The following DCHS2 variants were observed in gnomAD, a reference collection of about 807,000 sequenced individuals.
DCHS2 encodes dachsous cadherin-related 2.
A neutral mutation model predicts 182.4 loss-of-function variants in DCHS2; 142 were observed. That is an observed-to-expected ratio of 0.78 (90% CI 0.68 to 0.89). The LOEUF (loss-of-function observed/expected upper bound fraction) is 0.89, where lower values mean the gene tolerates loss of function less well. DCHS2 is among the 40% of genes least tolerant of loss of function. The probability of loss-of-function intolerance (pLI) is 0.00; values close to 1 mark genes in which losing one functional copy is unlikely to be tolerated. For missense variants in DCHS2, 4,319 were observed against 4,198.6 expected, an observed-to-expected ratio of 1.03 and a Z score of -0.79; for synonymous variants, 1,740 against 1,663.3, an observed-to-expected ratio of 1.05 and a Z score of -1.12.
chr4:154,491,168 G>C lies in DCHS2; in HGVS notation c.188C>G (p.Ser63Cys). 6.4e-7 allele frequency: 1 copy of C among 1,551,208 alleles called. No homozygotes were observed. Among genetic ancestry groups the C allele is most frequent in the East Asian group, 2.4e-5 (1 of 40,900 alleles). Residue 63 changes from serine to cysteine, a missense_variant, in exon 1 of 20, where the codon TCT (serine) becomes TGT (cysteine). Transcript: ENST00000357232. ...HVWLWAASGS[S>C]AQLFNLTLSV... ...AAGGGTGAGGTTGAACAACTGGGCA[G>C]AGGAGCCCGAGGCCGCCCACAGCCA...
intron 1 of DCHS2, among the ~76,000 whole-genome samples, chr4:154,471,363 T>C (rs1420749498): frequency 6.6e-6 from 1 of 152,242 alleles, no homozygotes; most frequent in Non-Finnish European, 1.5e-5. Context: ...TTTAAAAATA[T>C]GTTCCTGATA....
intron 1 of DCHS2, among the ~76,000 whole-genome samples, chr4:154,425,144 G>A (rs1733269588): frequency 6.6e-6 from 1 of 152,118 alleles, no homozygotes; most frequent in Non-Finnish European, 1.5e-5. Flanking sequence ...GATCTAGAGG[G>A]GTCTACCCCT....
intron 3 of DCHS2, among the ~76,000 whole-genome samples, chr4:154,360,932 A>G (rs1369204456): frequency 1.3e-5 from 2 of 152,178 alleles, no homozygotes; most frequent in Non-Finnish European, 2.9e-5. Context: ...TGTAAGTGCT[A>G]CAAGAGCAGG....
chr4:154,265,717 C>A (rs1416701836), intron 14 of DCHS2, among the ~76,000 whole-genome samples: 8 of 150,968 alleles, frequency 5.3e-5, no homozygotes, highest in Non-Finnish European at 1.2e-4. Context: ...TTAATTGGCT[C>A]AATTTAGATA....
In DCHS2 at chr4:154,333,272, A is replaced by G. The variant is rs1267917142; in HGVS notation, c.2936T>C (p.Phe979Ser). ...VMDVNDNHPA[F>S]LRTSDEIRIS... is the part of the protein sequence containing the mutation. ...TCTAATCTCATCCGAGGTCCTGAGG[A>G]ACGCTGGGTGGTTGTCATTGACATC... Residue 979 changes from phenylalanine to serine, a missense_variant, in exon 5 of 20, where the codon TTC becomes TCC. Phe to Ser is a radical substitution (Grantham distance 155). Coordinates refer to ENST00000357232, the MANE Select transcript of DCHS2 (RefSeq NM_001358235.2). 1.9e-6 allele frequency: 3 copies of G among 1,614,048 alleles called. No homozygotes were observed. The African/African-American group carries it at 4.0e-5, about 22-fold the overall frequency.
Position 154,333,432 on chromosome 4 carries a change from G to T in DCHS2, c.2776C>A (p.His926Asn). 6.2e-7 allele frequency: 1 copy of T among 1,614,032 alleles called. No homozygotes were observed. Among genetic ancestry groups the T allele is most frequent in the Non-Finnish European group, 8.5e-7 (1 of 1,180,030 alleles). ...GTGCGAATAGTGCCCAGCCGCGGGT[G>T]AATGGAGAACTTTCCGCCGAGATCA... ...SGDLGGKFSIHPRLGTIRTRK... is the reference protein window; with the variant it reads ...SGDLGGKFSINPRLGTIRTRK... The change falls in exon 5 of 20, where the codon CAC becomes AAC. Residue 926 changes from histidine (H) to asparagine (N), a missense_variant. By Grantham distance (68) the His-to-Asn change is moderately conservative. Coordinates refer to ENST00000357232, the MANE Select transcript of DCHS2 (RefSeq NM_001358235.2).
chr4:154,252,441 T>C (rs1732415668), intron 16 of DCHS2, among the ~76,000 whole-genome samples: 1 of 152,168 alleles, frequency 6.6e-6, no homozygotes, highest in Non-Finnish European at 1.5e-5. Flanking sequence ...TCATTCCAAC[T>C]ATATTTTGTA....
Position 154,235,800 on chromosome 4 carries a change from T to C in DCHS2, c.8852A>G (p.Glu2951Gly). Residue 2951 changes from glutamate to glycine, a missense_variant, in exon 20 of 20, where the codon GAA (glutamate) becomes GGA (glycine). Physicochemically the swap from Glu to Gly is moderately conservative, Grantham distance 98. Transcript: ENST00000357232. Reference protein sequence around the residue: ...LPLIKSQLNKEDTLEMKIIAH... With the variant: ...LPLIKSQLNKGDTLEMKIIAH... ...GATTATTTTCATTTCCAAGGTGTCTTCTTTGTTGAGTTGACTTTTTATTAG... is the reference window on the plus strand; with the variant it reads ...GATTATTTTCATTTCCAAGGTGTCTCCTTTGTTGAGTTGACTTTTTATTAG... The C allele has an allele frequency of 6.2e-7, 1 of 1,613,858 alleles. No homozygotes were observed. Among genetic ancestry groups the C allele is most frequent in the Non-Finnish European group, 8.5e-7 (1 of 1,179,924 alleles).
At chr4:154,262,312 CA>C (rs1733024842) in intron 14 of DCHS2, 1 of 152,086 alleles carries the variant, frequency 6.6e-6, no homozygotes, top group African/African-American at 2.4e-5. Context: ...AGACAATAAC[CA>C]GTCTGTGGGA....
chr4:154,323,122 C>T, intron 7 of DCHS2: 1 of 1,399,286 alleles, frequency 7.1e-7, no homozygotes, highest in Non-Finnish European at 9.5e-7. Flanking sequence ...GAACTTGTAT[C>T]CTGACATTTT....
chr4:154,447,227 G>T (rs1400703532), intron 1 of DCHS2, among the ~76,000 whole-genome samples: 2 of 152,136 alleles, frequency 1.3e-5, no homozygotes, highest in African/African-American at 4.8e-5. Context: ...GGGAGGCAGG[G>T]GATGCAGTGA....
intron 12 of DCHS2, among the ~76,000 whole-genome samples, chr4:154,302,372 GGGT>G (rs1441289521): frequency 6.6e-6 from 1 of 152,226 alleles, no homozygotes; most frequent in African/African-American, 2.4e-5. Context: ...GGTTTGTGCA[GGGT>G]GGTTCTCATC....
intron 1 of DCHS2, among the ~76,000 whole-genome samples, chr4:154,424,782 C>G (rs1274602968): frequency 6.6e-6 from 1 of 152,182 alleles, no homozygotes; most frequent in Non-Finnish European, 1.5e-5. Context: ...AGATTATCTT[C>G]ATTCAAGCCC....
intron 13 of DCHS2, among the ~76,000 whole-genome samples, chr4:154,281,170 T>C (rs1734126247): frequency 6.6e-6 from 1 of 151,354 alleles, no homozygotes; most frequent in Non-Finnish European, 1.5e-5. Context: ...AGTATACAAG[T>C]CCTAGCCTGA....
chr4:154,432,132 A>C, intron 1 of DCHS2, among the ~76,000 whole-genome samples: 1 of 152,230 alleles, frequency 6.6e-6, no homozygotes, highest in East Asian at 1.9e-4. Flanking sequence ...ATTAGCATGA[A>C]GTTCTAAGAG....
intron 3 of DCHS2, among the ~76,000 whole-genome samples, chr4:154,336,976 T>C (rs1294479670): frequency 6.6e-6 from 1 of 152,178 alleles, no homozygotes; most frequent in Non-Finnish European, 1.5e-5. Context: ...AAACACTCTT[T>C]ATTAGAATAC....
At position 154,490,042 on chromosome 4, in the gene DCHS2, G is replaced by A; in HGVS notation, c.1314C>T (p.Arg438=). The change falls in exon 1 of 20, where the codon CGC becomes CGT. Residue 438 remains arginine, a synonymous_variant. Coordinates refer to ENST00000357232, the MANE Select transcript of DCHS2 (RefSeq NM_001358235.2). ...EGARPGDYVA[R]VSVSDADGDW... is the part of the protein sequence containing the mutation. ...CACCGTCCGCGTCAGACACCGAGAC[G>A]CGAGCCACGTAGTCGCCCGGTCGGG... The A allele has an allele frequency of 1.9e-6, 3 of 1,548,034 alleles. No homozygotes were observed. Among genetic ancestry groups the A allele is most frequent in the South Asian group, 1.2e-5 (1 of 84,044 alleles).
chr4:154,475,515 G>A (rs1735646331), intron 1 of DCHS2, among the ~76,000 whole-genome samples: 1 of 152,050 alleles, frequency 6.6e-6, no homozygotes, highest in South Asian at 2.1e-4. Context: ...TTTTTCTCAG[G>A]ATTAGGATGT....
intron 3 of DCHS2, among the ~76,000 whole-genome samples, chr4:154,336,476 C>G (rs549710312): frequency 6.6e-6 from 1 of 152,094 alleles, no homozygotes; most frequent in Non-Finnish European, 1.5e-5. Flanking sequence ...CTGGCCATAA[C>G]AATTAGTTAA....
Sources: gnomAD v4.1 joint callset for allele counts (sites outside exome capture counted in the v4.1 genomes callset) on GRCh38, gnomAD v4.1.1 for gene constraint, MANE v1.5 for transcripts, NCBI Gene and HGNC (gene_info 2026-07-23, HGNC 2026-07-21) for gene names.